The following METTL22 variants were observed in gnomAD, a reference collection of about 807,000 sequenced individuals.
METTL22 encodes methyltransferase-like protein 22.
METTL22 carries 51 observed loss-of-function variants against 48.4 expected under a neutral mutation model. The observed-to-expected ratio is 1.05, with a 90% confidence interval of 0.84 to 1.33. The LOEUF is 1.33. METTL22 is among the 40% of genes most tolerant of loss of function. The pLI is 0.00. For missense variants in METTL22, 678 were observed against 526.9 expected (o/e 1.29, Z -2.81); for synonymous variants, 255 against 214.1 (o/e 1.19, Z -1.67).
chr16:8,629,487 G>C (rs560758095), intron 3 of METTL22, among the ~76,000 whole-genome samples: 128 of 152,324 alleles, frequency 8.4e-4, no homozygotes, highest in African/African-American at 3.0e-3. Flanking sequence ...TGGGGGTGTG[G>C]GACAGGCTTG....
At chr16:8,664,627 A>T in the METTL22 span, among the ~76,000 whole-genome samples, 4 of 151,792 alleles carry the variant, frequency 2.6e-5, no homozygotes, top group African/African-American at 4.8e-5. Flanking sequence ...TAATTTATTT[A>T]TTTTTTGTAT....
At chr16:8,643,818 C>G (rs1641061) in intron 9 of METTL22, among the ~76,000 whole-genome samples, 1 of 152,102 alleles carries the variant, frequency 6.6e-6, no homozygotes, top group African/African-American at 2.4e-5. Flanking sequence ...TTCACCATGT[C>G]GTCCAGGCTG....
chr16:8,641,706 C>A (rs2056623905), intron 7 of METTL22: 2 of 390,158 alleles, frequency 5.1e-6, no homozygotes, highest in Non-Finnish European at 9.8e-6. Context: ...TGGTCACCTG[C>A]CTAGCACTTT....
the METTL22 span, among the ~76,000 whole-genome samples, chr16:8,655,306 G>A: frequency 3.9e-5 from 6 of 152,194 alleles, no homozygotes. Flanking sequence ...GCTCCCTCTT[G>A]TGGTTGGTGG....
chr16:8,634,205 A>G (rs561571649), intron 3 of METTL22, among the ~76,000 whole-genome samples: 1 of 152,364 alleles, frequency 6.6e-6, no homozygotes, highest in South Asian at 2.1e-4. Flanking sequence ...AGGAGCCCTC[A>G]GAGAACAGTG....
intron 9 of METTL22, chr16:8,642,833 G>C (rs2056666467): frequency 1.9e-6 from 1 of 519,852 alleles, no homozygotes. Context: ...GGCACGGCTA[G>C]TTAGTGATAG....
At chr16:8,655,191 G>A in the METTL22 span, among the ~76,000 whole-genome samples, 5 of 152,202 alleles carry the variant, frequency 3.3e-5, no homozygotes, top group South Asian at 8.3e-4. Context: ...ATAAATCTGG[G>A]CTTAGTTTAA....
chr16:8,641,930 A>G (rs1249910737), intron 7 of METTL22, 197 bp from the exon 8 acceptor site: 5 of 616,068 alleles, frequency 8.1e-6, no homozygotes, highest in Non-Finnish European at 8.8e-6. Context: ...CAGAAAAGGC[A>G]CCTCTTCCAC....
chr16:8,646,658 G>T lies in METTL22; in HGVS notation c.*515G>T. The T allele has an allele frequency of 2.2e-6, 1 of 458,226 alleles. No homozygotes were observed. Among genetic ancestry groups the T allele is most frequent in the South Asian group, 1.5e-5 (1 of 64,584 alleles). 28.4% of individuals were successfully genotyped at this position (458,226 alleles called of 1,614,324 possible). On this transcript the variant is annotated 3_prime_UTR_variant, in exon 11 of 11. Transcript: ENST00000381920. ...CCATGAGAAGGAAGAGGCAGGAGCT[G>T]GCGCCAGGAATGGACTGGCATTGGC... is the stretch of plus-strand genomic sequence containing the variant.
chr16:8,658,047 G>C, the METTL22 span, among the ~76,000 whole-genome samples: 1 of 152,144 alleles, frequency 6.6e-6, no homozygotes, highest in Non-Finnish European at 1.5e-5. Context: ...AAACTCCCGA[G>C]TTCAAGCAAT....
chr16:8,663,225 A>AACAAAAAGT, the METTL22 span, among the ~76,000 whole-genome samples: 1 of 123,468 alleles, frequency 8.1e-6, no homozygotes, highest in Admixed American at 9.2e-5. Flanking sequence ...AAAAAAAAAA[A>AACAAAAAGT]GGTAGCCAAG....
Position 8,635,028 on chromosome 16 carries a change from G to C in METTL22, c.515-11G>C. On this transcript the variant is annotated splice_polypyrimidine_tract_variant and intron_variant, in intron 3 of 10. Transcript: ENST00000381920. ...ACAGTGGGCATTTCTCTTGGTTTCT[G>C]TCCCATCCAGAGCACACCATGGCCA... The C allele has an allele frequency of 6.2e-7, 1 of 1,613,306 alleles. No individual in the cohort carries two copies. The highest frequency in any genetic ancestry group is 8.5e-7 in the Non-Finnish European group (1 of 1,180,026).
In METTL22 at chr16:8,629,766, T is replaced by C. The variant is rs958146455; in HGVS notation, c.514+656T>C. ...GCAGAGGGGTTTGCTGACTCTAGGATTTGAAATCTAGGGACCTGGCACTCT... is the reference window on the plus strand; with the variant it reads ...GCAGAGGGGTTTGCTGACTCTAGGACTTGAAATCTAGGGACCTGGCACTCT... On this transcript the variant is annotated intron_variant, in intron 3 of 10. Coordinates refer to ENST00000381920, the MANE Select transcript of METTL22 (RefSeq NM_024109.4). 3.9e-5 allele frequency among the ~76,000 whole-genome samples: 6 copies of C among 151,980 alleles called. No homozygotes were observed. The East Asian group carries it at 1.2e-3, about 29-fold the overall frequency.
chr16:8,622,465 G>A (rs2055885930), intron 1 of METTL22, among the ~76,000 whole-genome samples: 1 of 152,122 alleles, frequency 6.6e-6, no homozygotes, highest in African/African-American at 2.4e-5. Context: ...CCTATGGAGA[G>A]GTGGTGGGGC....
chr16:8,666,288 C>CT, the METTL22 span, among the ~76,000 whole-genome samples: 1 of 152,158 alleles, frequency 6.6e-6, no homozygotes, highest in Non-Finnish European at 1.5e-5. Flanking sequence ...TCTGTGCCGG[C>CT]TCCCAGTGTT....
At chr16:8,630,183 C>T (rs569681920) in intron 3 of METTL22, among the ~76,000 whole-genome samples, 2 of 76,546 alleles carry the variant, frequency 2.6e-5, no homozygotes, top group Non-Finnish European at 5.8e-5. Context: ...AACAGCAGCT[C>T]TGTATCTATC....
chr16:8,667,242 AT>A, the METTL22 span: 1 of 152,068 alleles, frequency 6.6e-6, no homozygotes, highest in East Asian at 1.9e-4. Flanking sequence ...TGTTAATAAA[AT>A]TAATAAAGTT....
chr16:8,627,239 A>G (rs571221251), intron 2 of METTL22, among the ~76,000 whole-genome samples: 7 of 152,040 alleles, frequency 4.6e-5, no homozygotes, highest in Non-Finnish European at 8.8e-5. Flanking sequence ...TCTCAGAATA[A>G]CATCCAGGTT....
rs2141770730 is a variant in METTL22 at position 8,639,101 on chromosome 16, A to G, written c.711A>G (p.Ala237=). 1 of 1,614,068 alleles carries G rather than the reference A, an allele frequency of 6.2e-7. No homozygotes were observed. Among genetic ancestry groups the G allele is most frequent in the Non-Finnish European group, 8.5e-7 (1 of 1,180,010 alleles). The change falls in exon 6 of 11, where the codon GCA becomes GCG. Residue 237 remains alanine (A), a synonymous_variant. Coordinates refer to ENST00000381920, the MANE Select transcript of METTL22 (RefSeq NM_024109.4). ...ARTVYCTDVG[A]DLLSMCQRNI... is the part of the protein sequence containing the mutation. ...CCTCTGTCATTCCAGATGTCGGTGC[A>G]GATCTCTTGTCCATGTGCCAGCGAA... is the stretch of plus-strand genomic sequence containing the variant.
Sources: allele counts gnomAD v4.1 joint callset (sites outside exome capture counted in the v4.1 genomes callset), GRCh38; gene constraint gnomAD v4.1.1; transcripts MANE v1.5; gene names NCBI Gene and HGNC (gene_info 2026-07-23, HGNC 2026-07-21).